Variants in CPNE4 observed in about 807,000 individuals in gnomAD.
CPNE4 encodes the protein copine-4.
In CPNE4, 25 loss-of-function variants were observed where a neutral mutation model predicts 67.9. The ratio of observed to expected loss-of-function variants is 0.37; its 90% CI spans 0.27 to 0.51. The LOEUF is 0.51. CPNE4 is among the 20% of genes least tolerant of loss of function. The pLI, the probability that CPNE4 is intolerant of heterozygous loss-of-function variation, is 0.93. For missense variants in CPNE4, 464 were observed against 690.8 expected, an observed-to-expected ratio of 0.67 and a Z score of 3.68; for synonymous variants, 242 against 244.9, an observed-to-expected ratio of 0.99 and a Z score of 0.11.
intron 7 of CPNE4, among the ~76,000 whole-genome samples, chr3:131,628,988 T>C (rs2079151845): frequency 6.6e-6 from 1 of 152,234 alleles, no homozygotes; most frequent in African/African-American, 2.4e-5. Context: ...TTAATTGCGA[T>C]GTTAGGGTGT....
At chr3:131,660,373 A>T (rs1430379975) in intron 7 of CPNE4, among the ~76,000 whole-genome samples, 5 of 152,198 alleles carry the variant, frequency 3.3e-5, no homozygotes, top group Admixed American at 3.3e-4. Flanking sequence ...GGCTTGACAC[A>T]TGAAGGGGCA....
At chr3:131,625,233 A>G (rs766696412) in intron 7 of CPNE4, among the ~76,000 whole-genome samples, 5 of 152,340 alleles carry the variant, frequency 3.3e-5, no homozygotes, top group Admixed American at 1.3e-4. Context: ...TTATTTAAAG[A>G]AACATCCAAA....
At chr3:131,780,721 T>G (rs1167061451) in intron 2 of CPNE4, among the ~76,000 whole-genome samples, 1 of 152,064 alleles carries the variant, frequency 6.6e-6, no homozygotes, top group Non-Finnish European at 1.5e-5. Context: ...TTGGGTGTTA[T>G]GTTGATTGCC....
intron 2 of CPNE4, among the ~76,000 whole-genome samples, chr3:131,809,338 A>ATTTCC (rs2107935168): frequency 6.6e-6 from 1 of 152,166 alleles, no homozygotes; most frequent in East Asian, 1.9e-4. Flanking sequence ...GAGAAGATGA[A>ATTTCC]TTCTCCCTTA....
chr3:131,769,732 A>G (rs563792704), intron 2 of CPNE4, among the ~76,000 whole-genome samples: 6 of 152,100 alleles, frequency 3.9e-5, no homozygotes, highest in Non-Finnish European at 7.4e-5. Context: ...TAAAATTTAC[A>G]TTGCAACTGT....
chr3:131,650,086 G>A (rs955181404), intron 7 of CPNE4, among the ~76,000 whole-genome samples: 1 of 151,880 alleles, frequency 6.6e-6, no homozygotes, highest in Non-Finnish European at 1.5e-5. Flanking sequence ...GTTGCTTGGA[G>A]TTTCTGACTT....
At chr3:131,637,137 A>T (rs2079410161) in intron 7 of CPNE4, among the ~76,000 whole-genome samples, 1 of 152,196 alleles carries the variant, frequency 6.6e-6, no homozygotes, top group Non-Finnish European at 1.5e-5. Context: ...AAGGTTATTT[A>T]ACACCCCCAA....
intron 7 of CPNE4, among the ~76,000 whole-genome samples, chr3:131,632,659 C>T (rs1403068414): frequency 6.6e-6 from 1 of 152,124 alleles, no homozygotes. Context: ...TATTACTAGA[C>T]ACACACCTTA....
chr3:131,899,926 C>T (rs2088486319), intron 2 of CPNE4, among the ~76,000 whole-genome samples: 1 of 152,090 alleles, frequency 6.6e-6, no homozygotes, highest in African/African-American at 2.4e-5. Flanking sequence ...TCCACAAGCC[C>T]TCTAGCCAAG....
intron 1 of CPNE4, among the ~76,000 whole-genome samples, chr3:131,935,547 G>T (rs2071197164): frequency 6.6e-6 from 1 of 152,088 alleles, no homozygotes; most frequent in African/African-American, 2.4e-5. Flanking sequence ...AAAATGTGAG[G>T]CCCGAGTCCT....
At chr3:131,715,787 T>C (rs1010708454) in intron 3 of CPNE4, among the ~76,000 whole-genome samples, 3 of 152,192 alleles carry the variant, frequency 2.0e-5, no homozygotes, top group African/African-American at 7.2e-5. Context: ...AGAAAATAAA[T>C]GCATCACATT....
chr3:131,955,326 A>G (rs2071914566), intron 1 of CPNE4, among the ~76,000 whole-genome samples: 1 of 148,276 alleles, frequency 6.7e-6, no homozygotes, highest in Non-Finnish European at 1.5e-5. Context: ...TAGTTGGTTA[A>G]GAGGTTTTCT....
intron 1 of CPNE4, among the ~76,000 whole-genome samples, chr3:131,907,064 C>G (rs1314000737): frequency 6.6e-6 from 1 of 152,098 alleles, no homozygotes; most frequent in African/African-American, 2.4e-5. Flanking sequence ...ACAGACACTT[C>G]TCAAAAGAAG....
chr3:131,604,245 T>C (rs1038324837), intron 7 of CPNE4, among the ~76,000 whole-genome samples: 2 of 152,152 alleles, frequency 1.3e-5, no homozygotes, highest in Admixed American at 6.5e-5. Context: ...ATCTTTCCAC[T>C]GGAACATCAA....
At chr3:131,938,253 A>G (rs2071283563) in intron 1 of CPNE4, among the ~76,000 whole-genome samples, 1 of 152,036 alleles carries the variant, frequency 6.6e-6, no homozygotes, top group South Asian at 2.1e-4. Flanking sequence ...GTTACTCCGG[A>G]GGCTGAGATC....
At chr3:131,595,370 T>A (rs1216589976) in intron 7 of CPNE4, among the ~76,000 whole-genome samples, 1 of 152,166 alleles carries the variant, frequency 6.6e-6, no homozygotes, top group Non-Finnish European at 1.5e-5. Flanking sequence ...ATACATACAA[T>A]GAAATATTAT....
At chr3:131,859,784 C>T (rs999195696) in intron 2 of CPNE4, among the ~76,000 whole-genome samples, 4 of 152,270 alleles carry the variant, frequency 2.6e-5, no homozygotes, top group African/African-American at 4.8e-5. Context: ...GATACCCAAA[C>T]GTCTTTAGTT....
chr3:132,030,849 T>A (rs1434166229), intron 1 of CPNE4, among the ~76,000 whole-genome samples: 1 of 152,204 alleles, frequency 6.6e-6, no homozygotes, highest in Non-Finnish European at 1.5e-5. Flanking sequence ...CAGTCACAAG[T>A]TTAGGAGATA....
intron 2 of CPNE4, among the ~76,000 whole-genome samples, chr3:131,833,640 A>C (rs1204127907): frequency 6.6e-6 from 1 of 152,226 alleles, no homozygotes; most frequent in South Asian, 2.1e-4. Context: ...TCAAGGCTAC[A>C]GTGAGCCATG....
Sources: allele counts gnomAD v4.1 joint callset (sites outside exome capture counted in the v4.1 genomes callset), GRCh38; gene constraint gnomAD v4.1.1; transcripts MANE v1.5; gene names NCBI Gene and HGNC (gene_info 2026-07-23, HGNC 2026-07-21).